Variants in USP45 observed in about 807,000 individuals in gnomAD.
USP45 encodes ubiquitin carboxyl-terminal hydrolase 45.
USP45 carries 89 observed loss-of-function variants against 95.8 expected under a neutral mutation model. That is an observed-to-expected ratio of 0.93 (90% CI 0.78 to 1.11). The LOEUF is 1.11. Ranked by LOEUF, USP45 falls within the 50% of genes least tolerant of loss-of-function variation. USP45 has a pLI of 0.00. For synonymous variants in USP45, 281 were observed against 316.2 expected (o/e 0.89, Z 1.18); for missense variants, 898 against 942.5 (o/e 0.95, Z 0.62).
In USP45 at chr6:99,439,866, C is replaced by A; in HGVS notation, c.2074-11G>T. The A allele has an allele frequency of 1.3e-6, 2 of 1,583,168 alleles. No individual in the cohort carries two copies. The highest frequency in any genetic ancestry group is 1.7e-6 in the Non-Finnish European group (2 of 1,167,222). Reference sequence around the variant, plus strand: ...AAGACTCAAGCCAGCCTTAAAAAGACCAAAACATTTTTGAAATGCAACAAT... The same window carrying A: ...AAGACTCAAGCCAGCCTTAAAAAGAACAAAACATTTTTGAAATGCAACAAT... On this transcript the variant is annotated splice_polypyrimidine_tract_variant and intron_variant, in intron 15 of 17. Transcript: ENST00000500704.
At chr6:99,492,429 G>GT (rs1330376102) in intron 5 of USP45, among the ~76,000 whole-genome samples, 48 of 152,204 alleles carry the variant, frequency 3.2e-4, no homozygotes, top group Non-Finnish European at 5.3e-4. Context: ...ACTTTTACAT[G>GT]TAAGTCTGTG....
At chr6:99,497,991 CCT>C (rs375010570) in intron 5 of USP45, among the ~76,000 whole-genome samples, 11 of 152,360 alleles carry the variant, frequency 7.2e-5, no homozygotes, top group African/African-American at 2.6e-4. Flanking sequence ...TGGCCTGACT[CCT>C]CCAGTCGAAT....
intron 13 of USP45, among the ~76,000 whole-genome samples, chr6:99,447,738 G>C (rs1383303283): frequency 6.6e-6 from 1 of 152,184 alleles, no homozygotes; most frequent in Non-Finnish European, 1.5e-5. Context: ...AGAACGGACA[G>C]ACTGCCTCCT....
chr6:99,488,173 G>T, intron 7 of USP45, 27 bp downstream of exon 7: 1 of 1,481,686 alleles, frequency 6.7e-7, no homozygotes, highest in Non-Finnish European at 9.4e-7. Flanking sequence ...TCTGAAAGCA[G>T]CTATTATTCA....
upstream of USP45, among the ~76,000 whole-genome samples, chr6:99,516,263 C>T (rs1336808964): frequency 1.3e-5 from 2 of 152,204 alleles, no homozygotes; most frequent in African/African-American, 4.8e-5. Context: ...GTGGCCAGCA[C>T]ATTGCATGTT....
intron 16 of USP45, among the ~76,000 whole-genome samples, 195 bp downstream of exon 16, chr6:99,439,574 T>C (rs1470034336): frequency 6.6e-6 from 1 of 152,214 alleles, no homozygotes; most frequent in Non-Finnish European, 1.5e-5. Flanking sequence ...TTTTCAATTT[T>C]CCTTTGTCTC....
rs775357131 is a variant in USP45, at chr6:99,486,675, GAT to G, written c.714+1523_714+1524del. On this transcript the variant is annotated intron_variant, in intron 7 of 17. Coordinates refer to ENST00000500704, the MANE Select transcript of USP45 (RefSeq NM_001346022.3). ...ATATATAATAATACTGTCTTTCAAA[GAT>G]ATATATATAAAACAATACTGTCTTT... Among the ~76,000 whole-genome samples, 75 of 151,152 alleles carry G rather than the reference GAT, an allele frequency of 5.0e-4. 1 individual carries two copies. The highest frequency in any genetic ancestry group is 1.7e-3 in the African/African-American group (71 of 41,198).
At chr6:99,437,497 G>T in intron 16 of USP45, 98 bp from the exon 17 acceptor site, 1 of 1,231,700 alleles carries the variant, frequency 8.1e-7, no homozygotes, top group Non-Finnish European at 1.1e-6. Context: ...TAAGAAAAAT[G>T]CATAGTAAAA....
Position 99,435,777 on chromosome 6 carries a change from A to C in USP45, c.2384T>G (p.Val795Gly), listed in dbSNP as rs1582912162. ...TGCACTAAGTGCTCTTGATTCTGGA[A>C]CCACCTGTAAGTAAGTGTCACTAAC... The part of the protein sequence containing the change: ...VHVSDTYLQV[V>G]PESRALSAQA... The change falls in exon 18 of 18, where the codon GTT becomes GGT. Residue 795 changes from valine to glycine, a missense_variant. Val to Gly is a moderately radical substitution (Grantham distance 109). Transcript: ENST00000500704. The C allele has an allele frequency of 6.2e-7, 1 of 1,613,770 alleles. No homozygotes were observed. Among genetic ancestry groups the C allele is most frequent in the Non-Finnish European group, 8.5e-7 (1 of 1,179,688 alleles).
chr6:99,469,483 TATA>T lies in USP45; in HGVS notation c.934-868_934-866del, dbSNP rs1788813264. The stretch of plus-strand genomic sequence containing the variant: ...TTAATATATATATAATATATATATA[TATA>T]TTTTTTTTTTTTTTGAGAGTCTTGT... On this transcript the variant is annotated intron_variant, in intron 9 of 17. Transcript: ENST00000500704. Among the ~76,000 whole-genome samples the T allele has an allele frequency of 5.6e-4, 4 of 7,180 alleles. No homozygotes were observed. The South Asian group carries it at 0.031, about 56-fold the overall frequency. 4.7% of individuals were successfully genotyped at this position (7,180 alleles called of 152,430 possible). A position where few individuals can be genotyped will look rare whatever the true frequency, so the allele number is the denominator to read the frequency against.
At chr6:99,439,983 G>T in intron 15 of USP45, 128 bp from the exon 16 acceptor site, 1 of 514,042 alleles carries the variant, frequency 1.9e-6, no homozygotes, top group Non-Finnish European at 3.3e-6. Context: ...CTAATGTATA[G>T]TCTAAAATTA....
chr6:99,510,213 AC>A lies in USP45; in HGVS notation c.7del (p.Val3Ter), dbSNP rs533490516. 1,799 of 1,613,260 alleles carry A rather than the reference AC, an allele frequency of 1.1e-3. 2 individuals carry two copies. Among genetic ancestry groups the A allele is most frequent in the Non-Finnish European group, 1.5e-3 (1,725 of 1,179,508 alleles). Reference sequence around the variant, plus strand: ...AGGTAAAGCTTTAGTTGGATCTTTCACCCGCATCTGTTATTTACTGAAGGGA... The same window carrying A: ...AGGTAAAGCTTTAGTTGGATCTTTCACCGCATCTGTTATTTACTGAAGGGA... MR[V>X]KDPTKALPEK... On this transcript the variant is annotated frameshift_variant, in exon 2 of 18. Transcript: ENST00000500704. LOFTEE classifies it high-confidence loss of function.
chr6:99,461,606 G>T, intron 13 of USP45: 1 of 984,914 alleles, frequency 1.0e-6, no homozygotes, highest in Non-Finnish European at 1.2e-6. Context: ...GATTTTCTCA[G>T]CTAATTTCAC....
At chr6:99,444,651 A>C (rs866675583) in intron 14 of USP45, among the ~76,000 whole-genome samples, 1 of 152,130 alleles carries the variant, frequency 6.6e-6, no homozygotes, top group African/African-American at 2.4e-5. Context: ...ATAACTAGAG[A>C]CAGCTCCTAT....
intron 13 of USP45, among the ~76,000 whole-genome samples, chr6:99,456,759 A>G (rs1785184096): frequency 6.6e-6 from 1 of 152,210 alleles, no homozygotes; most frequent in South Asian, 2.1e-4. Context: ...TTTGAGCAAT[A>G]TGAAATCTGG....
rs552878995 is a variant in USP45 at position 99,498,388 on chromosome 6, G to GTCCA, written c.478+5373_478+5376dup. Reference sequence around the variant, plus strand: ...AAAATCAAAAAGAATATAATCCAGAGTCCAGTCTTAAGGAACCTACAGTCT... The same window carrying GTCCA: ...AAAATCAAAAAGAATATAATCCAGAGTCCATCCAGTCTTAAGGAACCTACAGTCT... On this transcript the variant is annotated intron_variant, in intron 5 of 17. Coordinates refer to ENST00000500704, the MANE Select transcript of USP45 (RefSeq NM_001346022.3). 2.6e-4 allele frequency among the ~76,000 whole-genome samples: 40 copies of GTCCA among 152,250 alleles called. No homozygotes were observed. In the East Asian group the frequency reaches 6.4e-3, roughly 24 times the overall value.
chr6:99,493,472 C>T (rs1468088620), intron 5 of USP45, among the ~76,000 whole-genome samples: 2 of 152,148 alleles, frequency 1.3e-5, no homozygotes, highest in Non-Finnish European at 2.9e-5. Context: ...GTCTCAATTA[C>T]TTGACATTCA....
chr6:99,436,177 T>C (rs967663894), intron 17 of USP45, among the ~76,000 whole-genome samples: 3 of 148,810 alleles, frequency 2.0e-5, no homozygotes, highest in Non-Finnish European at 3.0e-5. Context: ...ACAGGCCCAG[T>C]GTGTGATGTT....
At chr6:99,514,762 C>CA (rs1197974169) in intron 1 of USP45, 1 of 152,192 alleles carries the variant, frequency 6.6e-6, no homozygotes, top group South Asian at 2.1e-4. Flanking sequence ...ATACCAAGCT[C>CA]AAAAAGATGA....
Sources: gnomAD v4.1 joint callset for allele counts (sites outside exome capture counted in the v4.1 genomes callset) on GRCh38, gnomAD v4.1.1 for gene constraint, MANE v1.5 for transcripts, NCBI Gene and HGNC (gene_info 2026-07-23, HGNC 2026-07-21) for gene names.